MATCAP2: variants seen among roughly 807,000 people sequenced by gnomAD.
MATCAP2 encodes putative tyrosine carboxypeptidase MATCAP2.
chr7:36,343,082 A>T, the MATCAP2 span, among the ~76,000 whole-genome samples: 2 of 152,212 alleles, frequency 1.3e-5, no homozygotes, highest in Middle Eastern at 3.4e-3. Flanking sequence ...GTAGGTCAAA[A>T]TGATTAAATA....
the MATCAP2 span, among the ~76,000 whole-genome samples, chr7:36,379,046 T>C: frequency 2.0e-5 from 3 of 152,216 alleles, no homozygotes; most frequent in Non-Finnish European, 2.9e-5. Context: ...CCTGACCCCT[T>C]GCACTTCCTG....
the MATCAP2 span, among the ~76,000 whole-genome samples, chr7:36,378,967 T>C: frequency 6.6e-6 from 1 of 152,216 alleles, no homozygotes. Flanking sequence ...GCTCAGTAGT[T>C]GGGTGGCAGT....
chr7:36,390,133 C>G, the MATCAP2 span: 1 of 1,599,312 alleles, frequency 6.3e-7, no homozygotes, highest in Non-Finnish European at 8.5e-7. Flanking sequence ...CGAACCCCCA[C>G]CGGGCGGAGG....
the MATCAP2 span, among the ~76,000 whole-genome samples, chr7:36,358,924 G>A: frequency 1.3e-5 from 2 of 152,294 alleles, no homozygotes; most frequent in East Asian, 1.9e-4. Context: ...TTTCAAGTAG[G>A]CCCTTAAGGG....
chr7:36,378,908 G>T, the MATCAP2 span, among the ~76,000 whole-genome samples: 1,657 of 152,372 alleles, frequency 0.011, 16 homozygotes, highest in Non-Finnish European at 0.015. Flanking sequence ...TGCTGAGCCA[G>T]GCATGGGATA....
At chr7:36,336,290 T>C in the MATCAP2 span, 4 of 1,523,300 alleles carry the variant, frequency 2.6e-6, no homozygotes, top group Non-Finnish European at 3.5e-6. Flanking sequence ...TTCCATAATA[T>C]TGATAGACTG....
the MATCAP2 span, chr7:36,324,428 C>CACA: frequency 6.6e-6 from 1 of 152,110 alleles, no homozygotes; most frequent in Non-Finnish European, 1.5e-5. Flanking sequence ...TTGTATTTGA[C>CACA]ACAACTATTT....
chr7:36,369,606 T>C, the MATCAP2 span, among the ~76,000 whole-genome samples: 1 of 152,216 alleles, frequency 6.6e-6, no homozygotes, highest in African/African-American at 2.4e-5. Flanking sequence ...ATTTTCATTA[T>C]ATTTTAAGTA....
chr7:36,383,761 A>G, the MATCAP2 span: 2 of 738,454 alleles, frequency 2.7e-6, no homozygotes, highest in South Asian at 1.8e-5. Context: ...GTGTATGCCT[A>G]TGTAACAAAC....
the MATCAP2 span, among the ~76,000 whole-genome samples, chr7:36,372,475 G>A: frequency 1.1e-3 from 169 of 152,302 alleles, 4 homozygotes; most frequent in Non-Finnish European, 2.9e-4. Context: ...AATGAAAAGC[G>A]TTAAGTAGAA....
chr7:36,367,480 A>G, the MATCAP2 span, among the ~76,000 whole-genome samples: 4 of 152,146 alleles, frequency 2.6e-5, no homozygotes, highest in Non-Finnish European at 4.4e-5. Flanking sequence ...TTCAAAGGTG[A>G]CTTAACTCCA....
At chr7:36,383,968 T>C in the MATCAP2 span, 1 of 1,150,124 alleles carries the variant, frequency 8.7e-7, no homozygotes, top group East Asian at 2.6e-5. Flanking sequence ...TATTACTTTG[T>C]GAATTAAGTA....
At chr7:36,340,894 T>A in the MATCAP2 span, among the ~76,000 whole-genome samples, 1 of 152,202 alleles carries the variant, frequency 6.6e-6, no homozygotes, top group Non-Finnish European at 1.5e-5. Context: ...ATATTTTGAG[T>A]CTAATCCCAA....
chr7:36,386,790 T>C, the MATCAP2 span, among the ~76,000 whole-genome samples: 11 of 152,152 alleles, frequency 7.2e-5, no homozygotes, highest in Admixed American at 1.3e-4. Context: ...TATCCACATA[T>C]TGGGGAGGAA....
the MATCAP2 span, chr7:36,366,893 G>T: frequency 6.8e-7 from 1 of 1,471,510 alleles, no homozygotes; most frequent in Non-Finnish European, 8.9e-7. Context: ...CCCCCGCCGC[G>T]GCCAGCCCTT....
chr7:36,330,405 T>A, the MATCAP2 span, among the ~76,000 whole-genome samples: 1 of 151,894 alleles, frequency 6.6e-6, no homozygotes, highest in South Asian at 2.1e-4. Flanking sequence ...AGCCCGAGTC[T>A]TAACAATGTC....
At chr7:36,334,294 T>G in the MATCAP2 span, 9 of 686,078 alleles carry the variant, frequency 1.3e-5, no homozygotes, top group Non-Finnish European at 2.2e-5. Flanking sequence ...CCCAGCACTT[T>G]GGAAGGCCGA....
At chr7:36,332,688 G>A in the MATCAP2 span, among the ~76,000 whole-genome samples, 5 of 152,326 alleles carry the variant, frequency 3.3e-5, no homozygotes, top group Admixed American at 1.3e-4. Flanking sequence ...AGCACTTTGG[G>A]AGGCCGAGGC....
At chr7:36,329,825 G>C in the MATCAP2 span, among the ~76,000 whole-genome samples, 2 of 152,118 alleles carry the variant, frequency 1.3e-5, no homozygotes, top group African/African-American at 4.8e-5. Context: ...GGGAGATCTG[G>C]TGGTCACTAA....
Sources: gnomAD v4.1 joint callset for allele counts (sites outside exome capture counted in the v4.1 genomes callset) on GRCh38, gnomAD v4.1.1 for gene constraint, MANE v1.5 for transcripts, NCBI Gene and HGNC (gene_info 2026-07-23, HGNC 2026-07-21) for gene names.